The following SFMBT2 variants were observed in gnomAD, a reference collection of about 807,000 sequenced individuals.
SFMBT2 encodes the protein scm-like with four MBT domains protein 2.
Under a neutral mutation model 110.1 loss-of-function variants are expected in SFMBT2, and 38 were observed. The observed-to-expected ratio is 0.35, with a 90% CI of 0.27 to 0.45. The LOEUF is 0.45. SFMBT2 is among the 20% of genes least tolerant of loss of function. The pLI is 1.00. For synonymous variants in SFMBT2, 425 were observed against 425.4 expected, an observed-to-expected ratio of 1.00 and a Z score of 0.01; for missense variants, 1,011 against 1,094.9, an observed-to-expected ratio of 0.92 and a Z score of 1.08.
chr10:7,334,205 C>G (rs146981202), intron 4 of SFMBT2, among the ~76,000 whole-genome samples: 1 of 152,258 alleles, frequency 6.6e-6, no homozygotes, highest in African/African-American at 2.4e-5. Flanking sequence ...CGCTGACAGC[C>G]AGGCACCGTC....
At chr10:7,210,839 G>A (rs952937926) in intron 11 of SFMBT2, among the ~76,000 whole-genome samples, 3 of 152,154 alleles carry the variant, frequency 2.0e-5, no homozygotes, top group African/African-American at 7.2e-5. Context: ...CAAAAACGGT[G>A]GGCGAAACTG....
At chr10:7,266,925 G>C (rs1035298970) in intron 7 of SFMBT2, among the ~76,000 whole-genome samples, 3 of 152,102 alleles carry the variant, frequency 2.0e-5, no homozygotes, top group Admixed American at 1.3e-4. Context: ...GCCTGCAAGG[G>C]GGGGTCTGTG....
intron 4 of SFMBT2, chr10:7,329,510 G>A: frequency 1.0e-6 from 1 of 985,490 alleles, no homozygotes; most frequent in Non-Finnish European, 1.2e-6. Context: ...AGGGAGAGAG[G>A]AGGTGCTGCT....
chr10:7,246,667 C>T lies in SFMBT2; in HGVS notation c.972+1881G>A, dbSNP rs779047859. Reference sequence around the variant, plus strand: ...TCGGGAGGCAGAGGTTGTAGTGAGCCGAGATCATGTCACTGCACTCTAGCC... The same window carrying T: ...TCGGGAGGCAGAGGTTGTAGTGAGCTGAGATCATGTCACTGCACTCTAGCC... On this transcript the variant is annotated intron_variant, in intron 8 of 20. Coordinates refer to ENST00000397167, the MANE Select transcript of SFMBT2 (RefSeq NM_001387889.1). 6.9e-5 allele frequency among the ~76,000 whole-genome samples: 9 copies of T among 130,442 alleles called. No homozygotes were observed. In the East Asian group the frequency reaches 1.6e-3, roughly 23 times the overall value. 85.6% of individuals were successfully genotyped at this position (130,442 alleles called of 152,430 possible).
At chr10:7,362,745 C>T (rs192728767) in intron 4 of SFMBT2, among the ~76,000 whole-genome samples, 83 of 152,318 alleles carry the variant, frequency 5.4e-4, no homozygotes, top group African/African-American at 1.8e-3. Context: ...CTGGGGTCTA[C>T]AATTCTTTAT....
At chr10:7,405,789 C>G (rs1846192269) in intron 1 of SFMBT2, among the ~76,000 whole-genome samples, 1 of 151,734 alleles carries the variant, frequency 6.6e-6, no homozygotes, top group South Asian at 2.1e-4. Flanking sequence ...CACAGCTGAA[C>G]AGAACCATGT....
intron 11 of SFMBT2, chr10:7,214,630 G>A (rs1839470541): frequency 1.1e-5 from 11 of 985,374 alleles, no homozygotes; most frequent in Non-Finnish European, 1.2e-5. Context: ...ACACGTAGCG[G>A]ACCTGCCTTG....
chr10:7,309,544 G>T (rs529579875), intron 4 of SFMBT2, among the ~76,000 whole-genome samples: 1 of 152,200 alleles, frequency 6.6e-6, no homozygotes, highest in African/African-American at 2.4e-5. Context: ...GAACGGGGGT[G>T]TATAGGAAAA....
intron 9 of SFMBT2, among the ~76,000 whole-genome samples, chr10:7,240,627 C>CT (rs112481552): frequency 0.017 from 2,555 of 152,270 alleles, 76 homozygotes; most frequent in African/African-American, 0.057. Flanking sequence ...ACGGCAATGT[C>CT]TAAGAATCTT....
chr10:7,228,715 CTT>C (rs1242114961), intron 9 of SFMBT2, among the ~76,000 whole-genome samples: 2 of 132,514 alleles, frequency 1.5e-5, no homozygotes, highest in Non-Finnish European at 3.2e-5. Context: ...TTCTTTCTTT[CTT>C]TCTTTCTTTC....
rs1256183413 is a variant in SFMBT2 at position 7,301,256 on chromosome 10, C to G, written c.437-15302G>C. On this transcript the variant is annotated intron_variant, in intron 4 of 20. Transcript: ENST00000397167. This position sits in a 1 kb window ranked among gnomAD's most constrained non-coding sequence, Gnocchi z 4.2. ...GAGGCAGTTATTAGCGTCTTTATGT[C>G]ATGTGCAAATCAGCGTGAGACACTA... Among the ~76,000 whole-genome samples the G allele has an allele frequency of 6.6e-6, 1 of 152,204 alleles. No individual in the cohort carries two copies. Among genetic ancestry groups the G allele is most frequent in the East Asian group, 1.9e-4 (1 of 5,194 alleles).
intron 1 of SFMBT2, among the ~76,000 whole-genome samples, chr10:7,389,952 C>G (rs1056931169): frequency 6.6e-6 from 1 of 152,210 alleles, no homozygotes; most frequent in Non-Finnish European, 1.5e-5. Flanking sequence ...AATGCTAGCA[C>G]AGGCTAAGCA....
intron 4 of SFMBT2, among the ~76,000 whole-genome samples, chr10:7,363,142 T>C (rs1398568205): frequency 6.6e-6 from 1 of 152,132 alleles, no homozygotes; most frequent in Admixed American, 6.5e-5. Flanking sequence ...CAGTGGGTGG[T>C]AACAGAATCA....
rs559461859 is a variant in SFMBT2 at position 7,313,619 on chromosome 10, T to C, written c.437-27665A>G. 1.2e-4 allele frequency among the ~76,000 whole-genome samples: 18 copies of C among 152,216 alleles called. No individual in the cohort carries two copies. In the South Asian group the frequency reaches 1.4e-3, roughly 12 times the overall value. On this transcript the variant is annotated intron_variant, in intron 4 of 20. Transcript: ENST00000397167. ...CTACCGCACCCAGCCAAACAAACGA[T>C]TGGGGTTTTTTGTTTTTGTTTTTGT...
rs1018286678 is a variant in SFMBT2, at chr10:7,171,940, T to C, written c.2370A>G (p.Ala790=). 2.7e-6 allele frequency: 4 copies of C among 1,460,156 alleles called. No homozygotes were observed. The highest frequency in any genetic ancestry group is 2.8e-5 in the South Asian group (2 of 72,154). The allele number at this position is 1,460,156 out of a possible 1,614,324, so 90.4% of individuals were successfully genotyped here. A position where few individuals can be genotyped will look rare whatever the true frequency, so the allele number is the denominator to read the frequency against. ...TCGGCGGGCACTTCTCCCCTTCCTC[T>C]GCTGAGGAGGCAGCCGGCGCCCCGC... ...RGRGAPAASS[A]EEGEKCPPTK... Residue 790 remains alanine (A), a synonymous_variant, in exon 19 of 21, where the codon GCA becomes GCG. Coordinates refer to ENST00000397167, the MANE Select transcript of SFMBT2 (RefSeq NM_001387889.1). This position sits in a 1 kb window ranked among gnomAD's most constrained non-coding sequence, Gnocchi z 4.9.
At chr10:7,396,235 C>G (rs927548857) in intron 1 of SFMBT2, among the ~76,000 whole-genome samples, 2 of 152,092 alleles carry the variant, frequency 1.3e-5, no homozygotes, top group Admixed American at 6.5e-5. Flanking sequence ...GGCGACAGAG[C>G]GAGACTGTCT....
rs1844941560 is a variant in SFMBT2, at chr10:7,367,355, T to G, written c.436+294A>C. On this transcript the variant is annotated intron_variant, in intron 4 of 20. Transcript: ENST00000397167. This position sits in a 1 kb window ranked among gnomAD's most constrained non-coding sequence, Gnocchi z 6.2. ...CCTTCCTTTCTTACCCTCCAATTCC[T>G]GATGTCCTTTCAGCCTTCCTTTCTT... Among the ~76,000 whole-genome samples, 1 of 37,834 alleles carries G rather than the reference T, an allele frequency of 2.6e-5. No individual in the cohort carries two copies. Among genetic ancestry groups the G allele is most frequent in the African/African-American group, 1.3e-4 (1 of 7,884 alleles). The allele number at this position is 37,834 out of a possible 152,430, so 24.8% of individuals were successfully genotyped here.
intron 4 of SFMBT2, among the ~76,000 whole-genome samples, chr10:7,314,647 C>G (rs1842936410): frequency 6.6e-6 from 1 of 152,300 alleles, no homozygotes; most frequent in African/African-American, 2.4e-5. Context: ...TTGGCTCACA[C>G]CTATAATCCC....
At chr10:7,248,972 A>T (rs1301106914) in intron 7 of SFMBT2, 3 of 231,028 alleles carry the variant, frequency 1.3e-5, no homozygotes, top group Non-Finnish European at 2.1e-5. Flanking sequence ...GCAATCTGTC[A>T]TCCTAACACA....
Sources: allele counts gnomAD v4.1 joint callset (sites outside exome capture counted in the v4.1 genomes callset), GRCh38; gene constraint gnomAD v4.1.1; non-coding constraint Gnocchi (gnomAD v3.1); transcripts MANE v1.5; gene names NCBI Gene and HGNC (gene_info 2026-07-23, HGNC 2026-07-21).